The following LAMA2 variants were observed in gnomAD, a reference collection of about 807,000 sequenced individuals.
LAMA2 encodes laminin subunit alpha 2.
In LAMA2, 269 loss-of-function variants were observed where a neutral mutation model predicts 364.8. That is an observed-to-expected ratio of 0.74 (90% confidence interval 0.67 to 0.82). The LOEUF (loss-of-function observed/expected upper bound fraction) is 0.82, where lower values mean the gene tolerates loss of function less well. Ranked by LOEUF, LAMA2 falls within the 40% of genes least tolerant of loss-of-function variation. The pLI, the probability that LAMA2 is intolerant of heterozygous loss-of-function variation, is 0.00. For missense variants in LAMA2, 3,807 were observed against 3,873.2 expected (o/e 0.98, Z 0.45); for synonymous variants, 1,379 against 1,370.6 (o/e 1.01, Z -0.14).
chr6:129,198,061 G>C (rs1414825945), intron 12 of LAMA2, among the ~76,000 whole-genome samples: 1 of 151,804 alleles, frequency 6.6e-6, no homozygotes, highest in Non-Finnish European at 1.5e-5. Context: ...AAAAACTCTT[G>C]AGAAAAATAA....
At position 129,314,669 on chromosome 6, in the gene LAMA2, C is replaced by T; in HGVS notation, c.3426C>T (p.Gly1142=). The T allele has an allele frequency of 1.2e-6, 2 of 1,613,632 alleles. No individual in the cohort carries two copies. The highest frequency in any genetic ancestry group is 1.3e-5 in the African/African-American group (1 of 75,028). ...GQCTCKVNVE[G]IHCDRCRPGK... is the part of the protein sequence containing the mutation. ...TCTTTCCTCAGGTGAATGTGGAAGG[C>T]ATCCACTGTGACAGATGCCGGCCTG... is the stretch of plus-strand genomic sequence containing the variant. The change falls in exon 24 of 65, where the codon GGC becomes GGT. Residue 1142 remains glycine (G), a synonymous_variant. Transcript: ENST00000421865.
At chr6:129,498,268 A>AAAAG (rs999054922) in intron 58 of LAMA2, among the ~76,000 whole-genome samples, 208 of 151,934 alleles carry the variant, frequency 1.4e-3, no homozygotes, top group African/African-American at 4.9e-3. Context: ...GGATTTGGGG[A>AAAAG]AAAGAAGTGA....
intron 12 of LAMA2, among the ~76,000 whole-genome samples, chr6:129,244,994 C>T (rs948793279): frequency 1.3e-5 from 2 of 152,122 alleles, no homozygotes; most frequent in Non-Finnish European, 2.9e-5. Context: ...GAAACAGCTA[C>T]TTGTGTTCTT....
intron 1 of LAMA2, among the ~76,000 whole-genome samples, chr6:129,029,557 A>C (rs897169504): frequency 1.3e-5 from 2 of 151,678 alleles, no homozygotes; most frequent in African/African-American, 4.9e-5. Flanking sequence ...AATGGTATTT[A>C]TCCTGAGAAA....
intron 1 of LAMA2, among the ~76,000 whole-genome samples, chr6:128,895,622 T>A (rs1655226522): frequency 6.6e-6 from 1 of 152,096 alleles, no homozygotes; most frequent in South Asian, 2.1e-4. Context: ...CACTCCAGCT[T>A]GGGCAACAGA....
chr6:128,886,974 T>TA (rs1776184254), intron 1 of LAMA2, among the ~76,000 whole-genome samples: 1 of 152,202 alleles, frequency 6.6e-6, no homozygotes, highest in Non-Finnish European at 1.5e-5. Flanking sequence ...ATTCTAATAT[T>TA]ATAGTCTATT....
At chr6:129,229,214 A>G (rs1305375984) in intron 12 of LAMA2, among the ~76,000 whole-genome samples, 1 of 152,218 alleles carries the variant, frequency 6.6e-6, no homozygotes, top group Non-Finnish European at 1.5e-5. Flanking sequence ...CAAGAAAAAA[A>G]GTAGAGCATG....
chr6:129,123,462 T>A (rs1453133919), intron 4 of LAMA2, among the ~76,000 whole-genome samples: 1 of 151,948 alleles, frequency 6.6e-6, no homozygotes, highest in African/African-American at 2.4e-5. Flanking sequence ...TTCACAATAG[T>A]CAAGATATGG....
intron 12 of LAMA2, among the ~76,000 whole-genome samples, chr6:129,203,674 T>C (rs1023389873): frequency 6.6e-6 from 1 of 152,222 alleles, no homozygotes. Context: ...TCCATGAGAA[T>C]TGGGTGAAAG....
chr6:129,457,703 G>T (rs568936242), intron 48 of LAMA2, among the ~76,000 whole-genome samples: 32 of 152,006 alleles, frequency 2.1e-4, no homozygotes, highest in African/African-American at 7.5e-4. Context: ...AGTCCATTAG[G>T]GCTGCTATAA....
At chr6:129,183,795 A>C (rs1229121814) in intron 10 of LAMA2, among the ~76,000 whole-genome samples, 1 of 151,936 alleles carries the variant, frequency 6.6e-6, no homozygotes, top group Non-Finnish European at 1.5e-5. Context: ...TGATCTCATA[A>C]TGAGTAATTC....
At chr6:129,488,391 G>A (rs569802461) in intron 56 of LAMA2, among the ~76,000 whole-genome samples, 3 of 152,270 alleles carry the variant, frequency 2.0e-5, no homozygotes, top group East Asian at 1.9e-4. Context: ...TTAGTTTACC[G>A]AAATCACTCA....
intron 15 of LAMA2, among the ~76,000 whole-genome samples, chr6:129,266,077 G>T (rs148834462): frequency 1.3e-5 from 2 of 152,030 alleles, no homozygotes; most frequent in East Asian, 3.9e-4. Context: ...TTACTTCAGT[G>T]GTTTCTCTTC....
At chr6:129,140,096 G>A (rs1007507051) in intron 4 of LAMA2, among the ~76,000 whole-genome samples, 1 of 152,096 alleles carries the variant, frequency 6.6e-6, no homozygotes, top group African/African-American at 2.4e-5. Context: ...CAAAACAAAT[G>A]TAGCAACATA....
At chr6:129,392,342 ACTTGTTAAAAAT>A (rs1779367576) in intron 36 of LAMA2, among the ~76,000 whole-genome samples, 1 of 152,200 alleles carries the variant, frequency 6.6e-6, no homozygotes, top group African/African-American at 2.4e-5. Context: ...ACACCAGAGA[ACTTGTTAAAAAT>A]ACAGATTGTC....
intron 8 of LAMA2, 32 bp from the exon 9 acceptor site, chr6:129,165,544 C>T (rs774371708): frequency 6.9e-7 from 1 of 1,447,582 alleles, no homozygotes; most frequent in East Asian, 2.3e-5. Flanking sequence ...TTCTATTACA[C>T]TTCGTTAAAT....
chr6:129,304,074 G>C (rs111895442), intron 22 of LAMA2, among the ~76,000 whole-genome samples: 23 of 152,174 alleles, frequency 1.5e-4, no homozygotes, highest in African/African-American at 5.1e-4. Context: ...AGAAAAAAGA[G>C]AGAAGAAACA....
At position 128,951,548 on chromosome 6, in the gene LAMA2, G is replaced by A. The variant is rs144990533; in HGVS notation, c.112+68191G>A. On this transcript the variant is annotated intron_variant, in intron 1 of 64. Coordinates refer to ENST00000421865, the MANE Select transcript of LAMA2 (RefSeq NM_000426.4). ...GTGAAATGACCGACTTATCAAGCCA[G>A]TCCACTGAACTGTAGCTTGGAGTCT... Among the ~76,000 whole-genome samples, 837 of 152,288 alleles carry A rather than the reference G, an allele frequency of 5.5e-3. 8 individuals carry two copies. The highest frequency in any genetic ancestry group is 0.019 in the African/African-American group (781 of 41,554).
intron 4 of LAMA2, among the ~76,000 whole-genome samples, chr6:129,107,177 A>G (rs994290213): frequency 3.3e-5 from 5 of 152,190 alleles, no homozygotes; most frequent in Admixed American, 1.3e-4. Flanking sequence ...TAGCTCTGCC[A>G]AGGATTAACA....
Sources: gnomAD v4.1 joint callset for allele counts (sites outside exome capture counted in the v4.1 genomes callset) on GRCh38, gnomAD v4.1.1 for gene constraint, MANE v1.5 for transcripts, NCBI Gene and HGNC (gene_info 2026-07-23, HGNC 2026-07-21) for gene names.